Variants in CCDC91 observed in about 807,000 individuals in gnomAD.
CCDC91 encodes coiled-coil domain-containing protein 91.
CCDC91 carries 48 observed loss-of-function variants against 63.2 expected under a neutral mutation model. The observed-to-expected ratio is 0.76, with a 90% CI of 0.60 to 0.97. The LOEUF (loss-of-function observed/expected upper bound fraction) is 0.97. CCDC91 is among the 50% of genes least tolerant of loss of function. The pLI, the probability that CCDC91 is intolerant of heterozygous loss-of-function variation, is 0.00. For missense variants in CCDC91, 500 were observed against 494.6 expected (o/e 1.01, Z -0.10); for synonymous variants, 167 against 165.8 (o/e 1.01, Z -0.06).
At chr12:28,391,901 A>T (rs1945971141) in intron 8 of CCDC91, among the ~76,000 whole-genome samples, 1 of 152,258 alleles carries the variant, frequency 6.6e-6, no homozygotes, top group South Asian at 2.1e-4. Context: ...GCAGCTGAAG[A>T]TTTATAGATG....
intron 8 of CCDC91, among the ~76,000 whole-genome samples, chr12:28,447,000 C>T (rs184979551): frequency 6.6e-6 from 1 of 152,166 alleles, no homozygotes; most frequent in East Asian, 1.9e-4. Context: ...TCTCCTTTGC[C>T]CGTTGTCCTG....
chr12:28,356,457 G>A lies in CCDC91; in HGVS notation c.577-5981G>A, dbSNP rs995577191. Among the ~76,000 whole-genome samples, 38 of 152,180 alleles carry A rather than the reference G, an allele frequency of 2.5e-4. 1 individual carries two copies. The highest frequency in any genetic ancestry group is 8.7e-4 in the African/African-American group (36 of 41,546). The stretch of plus-strand genomic sequence containing the variant: ...TTCAGATTTTGGGAGGGGTAATTTT[G>A]TACCATTTCTCATTCCGAATTTTTT... On this transcript the variant is annotated intron_variant, in intron 6 of 12. Coordinates refer to ENST00000536442, the MANE Select transcript of CCDC91 (RefSeq NM_018318.5).
chr12:28,484,147 T>C lies in CCDC91; in HGVS notation c.1197T>C (p.Tyr399=). 2.5e-6 allele frequency: 4 copies of C among 1,603,534 alleles called. No homozygotes were observed. The highest frequency in any genetic ancestry group is 3.4e-6 in the Non-Finnish European group (4 of 1,173,678). Residue 399 remains tyrosine, a synonymous_variant, in exon 12 of 13, where the codon TAT becomes TAC. Transcript: ENST00000536442. ...GAACAAGAGATGAATTGATAGAGTA[T>C]ATAAAAGAACAGAAAAGGGTAAGTA... is the stretch of plus-strand genomic sequence containing the variant. ...VKRTRDELIE[Y]IKEQKRLDQV...
intron 8 of CCDC91, among the ~76,000 whole-genome samples, chr12:28,437,341 T>C (rs1948964240): frequency 6.6e-6 from 1 of 152,092 alleles, no homozygotes; most frequent in Non-Finnish European, 1.5e-5. Context: ...TAAAATATTT[T>C]GGGTTTTGCA....
At chr12:28,478,836 T>A (rs1216584793) in intron 11 of CCDC91, among the ~76,000 whole-genome samples, 1 of 152,140 alleles carries the variant, frequency 6.6e-6, no homozygotes, top group Non-Finnish European at 1.5e-5. Flanking sequence ...ATAAGGCATT[T>A]ATGCAGCCAA....
rs1478333 is a variant in CCDC91, at chr12:28,204,386, A to G, written c.-15+13745A>G. 6.0e-3 allele frequency among the ~76,000 whole-genome samples: 914 copies of G among 152,316 alleles called. 10 individuals are homozygous for G. Among genetic ancestry groups the G allele is most frequent in the African/African-American group, 0.021 (867 of 41,582 alleles). On this transcript the variant is annotated intron_variant, in intron 1 of 12. Coordinates refer to ENST00000536442, the MANE Select transcript of CCDC91 (RefSeq NM_018318.5). ...TCATGCTCATATTAGCCAGTCCCTG[A>G]TATGCATTTATTTTGATTATTAATT...
intron 11 of CCDC91, among the ~76,000 whole-genome samples, chr12:28,472,394 G>A (rs1347031330): frequency 6.6e-6 from 1 of 152,008 alleles, no homozygotes; most frequent in Non-Finnish European, 1.5e-5. Flanking sequence ...TGGGCTAAGA[G>A]GCTTAATTGA....
At chr12:28,214,138 A>G (rs918981492) in intron 1 of CCDC91, among the ~76,000 whole-genome samples, 1 of 152,120 alleles carries the variant, frequency 6.6e-6, no homozygotes, top group Non-Finnish European at 1.5e-5. Context: ...TGCTTTTACC[A>G]GGAAATAAAA....
chr12:28,484,986 T>C (rs1285649260), intron 12 of CCDC91, among the ~76,000 whole-genome samples: 1 of 151,740 alleles, frequency 6.6e-6, no homozygotes, highest in African/African-American at 2.4e-5. Context: ...CATTACATAA[T>C]GTAACAAAAC....
chr12:28,498,082 TAAGAACAAC>T (rs984123314), intron 12 of CCDC91, among the ~76,000 whole-genome samples: 3 of 151,646 alleles, frequency 2.0e-5, no homozygotes, highest in African/African-American at 7.3e-5. Context: ...AGAATCCTGT[TAAGAACAAC>T]AAGAACAACT....
At chr12:28,218,865 C>G (rs1365459081) in intron 1 of CCDC91, among the ~76,000 whole-genome samples, 1 of 152,062 alleles carries the variant, frequency 6.6e-6, no homozygotes, top group African/African-American at 2.4e-5. Flanking sequence ...ACCATTATTC[C>G]TTTATCCATA....
intron 12 of CCDC91, among the ~76,000 whole-genome samples, chr12:28,499,604 T>C (rs1274788000): frequency 6.6e-6 from 1 of 151,872 alleles, no homozygotes; most frequent in East Asian, 1.9e-4. Context: ...GAACATGCAG[T>C]ATTTGGTTTT....
chr12:28,362,392 C>A, intron 6 of CCDC91, 46 bp from the exon 7 acceptor site: 1 of 1,369,786 alleles, frequency 7.3e-7, no homozygotes. Flanking sequence ...ATTTTGAAAA[C>A]AAAACAGAAG....
intron 11 of CCDC91, among the ~76,000 whole-genome samples, chr12:28,464,334 A>G (rs558966364): frequency 6.6e-6 from 1 of 152,324 alleles, no homozygotes; most frequent in East Asian, 1.9e-4. Context: ...ATGGCGGTGC[A>G]TGCAACCTAC....
At chr12:28,522,584 T>C (rs1320800255) in intron 12 of CCDC91, among the ~76,000 whole-genome samples, 1 of 152,214 alleles carries the variant, frequency 6.6e-6, no homozygotes, top group Admixed American at 6.5e-5. Context: ...TCAGTTCTGC[T>C]CTGATCTTAG....
chr12:28,420,027 G>T (rs1271090725), intron 8 of CCDC91, among the ~76,000 whole-genome samples: 2 of 152,064 alleles, frequency 1.3e-5, no homozygotes, highest in Non-Finnish European at 2.9e-5. Flanking sequence ...AAAGTGCTGG[G>T]ATTAAAGGTG....
At chr12:28,266,140 C>A (rs73083939) in intron 3 of CCDC91, among the ~76,000 whole-genome samples, 6,426 of 151,920 alleles carry the variant, frequency 0.042, 212 homozygotes, top group Non-Finnish European at 0.062. Context: ...CATATAAATA[C>A]TAGTCTTGAT....
intron 10 of CCDC91, among the ~76,000 whole-genome samples, chr12:28,450,765 A>C (rs1949764950): frequency 6.6e-6 from 1 of 151,792 alleles, no homozygotes; most frequent in Non-Finnish European, 1.5e-5. Context: ...CCAAGTTTAA[A>C]ATAACTCATC....
In CCDC91 at chr12:28,365,234, A is replaced by T. The variant is rs377476123; in HGVS notation, c.654+2719A>T. Among the ~76,000 whole-genome samples, 11 of 152,328 alleles carry T rather than the reference A, an allele frequency of 7.2e-5. No individual in the cohort carries two copies. In the East Asian group the frequency reaches 1.3e-3, roughly 19 times the overall value. On this transcript the variant is annotated intron_variant, in intron 7 of 12. Transcript: ENST00000536442. The stretch of plus-strand genomic sequence containing the variant: ...AAATATGTAAAATGAGTAGCTCTTA[A>T]CCAAATTTCTTCAAAATGCCATTTG...
Sources: allele counts gnomAD v4.1 joint callset (sites outside exome capture counted in the v4.1 genomes callset), GRCh38; gene constraint gnomAD v4.1.1; transcripts MANE v1.5; gene names NCBI Gene and HGNC (gene_info 2026-07-23, HGNC 2026-07-21).